Variants in GATA6 observed in about 807,000 individuals in gnomAD.
The protein encoded by GATA6 is GATA binding protein 6, also known as transcription factor GATA-6.
GATA6 carries 11 observed loss-of-function variants against 48.1 expected under a neutral mutation model. The observed-to-expected ratio is 0.23, with a 90% CI of 0.14 to 0.38. The LOEUF is 0.38. Among genes scored for constraint, GATA6 ranks in the 10% least tolerant of loss-of-function variants. GATA6 has a pLI of 1.00. For synonymous variants in GATA6, 419 were observed against 396.1 expected (o/e 1.06, Z -0.69); for missense variants, 795 against 850.3 (o/e 0.93, Z 0.81).
chr18:22,201,629 T>G lies in GATA6; in HGVS notation c.*806T>G, dbSNP rs544084882. 1 of 152,668 alleles carries G rather than the reference T, an allele frequency of 6.6e-6. No homozygotes were observed. The highest frequency in any genetic ancestry group is 2.4e-5 in the African/African-American group (1 of 41,468). The allele number at this position is 152,668 out of a possible 1,614,324, so 9.5% of individuals were successfully genotyped here. A position where few individuals can be genotyped will look rare whatever the true frequency, so the allele number is the denominator to read the frequency against. ...GACATTCTTATGCTTCTTTTACAACTACATCCCATTTTATATTTCCAATTG... is the reference window on the plus strand; with the variant it reads ...GACATTCTTATGCTTCTTTTACAACGACATCCCATTTTATATTTCCAATTG... On this transcript the variant is annotated 3_prime_UTR_variant, in exon 7 of 7. Coordinates refer to ENST00000269216, the MANE Select transcript of GATA6 (RefSeq NM_005257.6).
rs546224217 is a variant in GATA6, at chr18:22,202,150, G to A, written c.*1327G>A. The A allele has an allele frequency of 4.6e-5, 7 of 152,246 alleles. No individual in the cohort carries two copies. The East Asian group carries it at 9.6e-4, about 21-fold the overall frequency. 9.4% of individuals were successfully genotyped at this position (152,246 alleles called of 1,614,324 possible). A position where few individuals can be genotyped will look rare whatever the true frequency, so the allele number is the denominator to read the frequency against. On this transcript the variant is annotated 3_prime_UTR_variant, in exon 7 of 7. Coordinates refer to ENST00000269216, the MANE Select transcript of GATA6 (RefSeq NM_005257.6). ...CCTTTTATACCTTGGCTTATTTGAA[G>A]TTGACACATGGGGTTAGTTACTACT...
intron 6 of GATA6, among the ~76,000 whole-genome samples, chr18:22,194,519 T>G (rs901551158): frequency 2.6e-5 from 4 of 152,178 alleles, no homozygotes; most frequent in Admixed American, 2.0e-4. Flanking sequence ...AACGTTTGTT[T>G]AGGTTGGTCT....
chr18:22,199,258 T>C (rs959321697), intron 6 of GATA6, among the ~76,000 whole-genome samples: 15 of 152,160 alleles, frequency 9.9e-5, no homozygotes, highest in Non-Finnish European at 2.2e-4. Context: ...AATGCTGTTT[T>C]AAGGATTTAA....
rs553826721 is a variant in GATA6, at chr18:22,200,849, G to A, written c.*26G>A. ...GCCCACGCCGCCAGGAGGCAGGGAG[G>A]GCTCCGCCGCGGGCCTCACTCCACT... On this transcript the variant is annotated 3_prime_UTR_variant, in exon 7 of 7. Coordinates refer to ENST00000269216, the MANE Select transcript of GATA6 (RefSeq NM_005257.6). The A allele has an allele frequency of 3.1e-6, 5 of 1,594,044 alleles. No individual in the cohort carries two copies. The highest frequency in any genetic ancestry group is 4.3e-6 in the Non-Finnish European group (5 of 1,169,920).
chr18:22,188,270 A>G (rs1568003208), intron 6 of GATA6, among the ~76,000 whole-genome samples: 1 of 152,220 alleles, frequency 6.6e-6, no homozygotes, highest in Non-Finnish European at 1.5e-5. Flanking sequence ...GGAATTGTTT[A>G]AAACATGGAG....
intron 3 of GATA6, among the ~76,000 whole-genome samples, chr18:22,178,936 T>C (rs2033160346): frequency 6.6e-6 from 1 of 152,182 alleles, no homozygotes; most frequent in South Asian, 2.1e-4. Flanking sequence ...AGGTAACATT[T>C]TCTAGAGATT....
rs543791101 is a variant in GATA6, at chr18:22,200,222, C to T, written c.1621-434C>T. The stretch of plus-strand genomic sequence containing the variant: ...GTGTGCGCGCGCACGCATGCGTGCG[C>T]TCTGCATTTTCTCTTTGGAAATGAT... On this transcript the variant is annotated intron_variant, in intron 6 of 6. Transcript: ENST00000269216. Among the ~76,000 whole-genome samples, 138 of 152,226 alleles carry T rather than the reference C, an allele frequency of 9.1e-4. No individual in the cohort carries two copies. In the South Asian group the frequency reaches 0.014, roughly 16 times the overall value.
intron 3 of GATA6, chr18:22,180,217 A>T (rs193100513): frequency 2.7e-5 from 4 of 150,504 alleles, no homozygotes; most frequent in Admixed American, 2.0e-4. Flanking sequence ...TGAAGCAAGC[A>T]TCCATTTTTT....
intron 6 of GATA6, 117 bp from the exon 7 acceptor site, chr18:22,200,539 G>T: frequency 7.6e-7 from 1 of 1,307,300 alleles, no homozygotes; most frequent in Admixed American, 1.7e-5. Flanking sequence ...GTCTGCCCAG[G>T]AGCAGCTCTG....
chr18:22,176,096 G>T (rs75592695), intron 2 of GATA6, among the ~76,000 whole-genome samples: 6,057 of 152,102 alleles, frequency 0.04, 382 homozygotes, highest in African/African-American at 0.13. Context: ...ACTAACCAAA[G>T]AATAATAATA....
Position 22,177,079 on chromosome 18 carries a change from G to A in GATA6, c.1260G>A (p.Met420Ile), listed in dbSNP as rs1381647051. The A allele has an allele frequency of 1.3e-6, 2 of 1,565,764 alleles. No individual in the cohort carries two copies. The highest frequency in any genetic ancestry group is 1.9e-5 in the Admixed American group (1 of 53,548). The change falls in exon 3 of 7, where the codon ATG becomes ATA. Residue 420 changes from methionine to isoleucine, a missense_variant. Physicochemically the swap from Met to Ile is conservative, Grantham distance 10 (BLOSUM62 1). Transcript: ENST00000269216. Reference protein sequence around the residue: ...LCNACGLYSKMNGLSRPLIKP... With the variant: ...LCNACGLYSKINGLSRPLIKP... ...ACGCCTGCGGGCTCTACAGCAAGAT[G>A]AACGGCCTCAGCCGGCCCCTCATCA...
At chr18:22,180,010 T>C (rs565766646) in intron 3 of GATA6, 4 of 152,334 alleles carry the variant, frequency 2.6e-5, no homozygotes, top group African/African-American at 9.6e-5. Flanking sequence ...ACATACTCAA[T>C]TTACATTTCT....
At chr18:22,176,025 C>A (rs1326728833) in intron 2 of GATA6, among the ~76,000 whole-genome samples, 1 of 152,090 alleles carries the variant, frequency 6.6e-6, no homozygotes, top group East Asian at 1.9e-4. Flanking sequence ...ATAAATGTTA[C>A]ATTTACTCTT....
chr18:22,171,351 G>T lies in GATA6; in HGVS notation c.207G>T (p.Ala69=). The part of the protein sequence containing the change: ...NCGTPQLDTE[A]AAGPPARSLL... ...GGACGCCTCAGCTCGACACGGAGGC[G>T]GCGGCCGGACCCCCGGCCCGCTCGC... Residue 69 remains alanine, a synonymous_variant, in exon 2 of 7, where the codon GCG becomes GCT. Transcript: ENST00000269216. This position sits in a 1 kb window ranked among gnomAD's most constrained non-coding sequence, Gnocchi z 7.1. 4 of 1,585,700 alleles carry T rather than the reference G, an allele frequency of 2.5e-6. No individual in the cohort carries two copies. The highest frequency in any genetic ancestry group is 1.1e-5 in the South Asian group (1 of 89,830).
rs2033214573 is a variant in GATA6, at chr18:22,182,748, A to T, written c.1429-9A>T. ...TATTAAATTTATGGCCTATGTGAAA[A>T]TTTTTTAGGTGCCCAGACCACTTGC... On this transcript the variant is annotated splice_polypyrimidine_tract_variant and intron_variant, in intron 4 of 6. Transcript: ENST00000269216. 4 of 1,608,402 alleles carry T rather than the reference A, an allele frequency of 2.5e-6. No homozygotes were observed. Among genetic ancestry groups the T allele is most frequent in the Middle Eastern group, 1.7e-4 (1 of 5,956 alleles).
At position 22,170,966 on chromosome 18, in the gene GATA6, T is replaced by C. The variant is rs2033026205; in HGVS notation, c.-37-142T>C. 1 of 631,152 alleles carries C rather than the reference T, an allele frequency of 1.6e-6. No individual in the cohort carries two copies. The highest frequency in any genetic ancestry group is 2.8e-6 in the Non-Finnish European group (1 of 354,462). The allele number at this position is 631,152 out of a possible 1,614,324, so 39.1% of individuals were successfully genotyped here. A position where few individuals can be genotyped will look rare whatever the true frequency, so the allele number is the denominator to read the frequency against. The stretch of plus-strand genomic sequence containing the variant: ...CCACGCCCGGGGCAGAAATAGGATC[T>C]TTGAGAAGTCTCAAATGGGATCTTT... On this transcript the variant is annotated intron_variant, in intron 1 of 6. Coordinates refer to ENST00000269216, the MANE Select transcript of GATA6 (RefSeq NM_005257.6). The surrounding 1 kb of genome is among the most constrained non-coding windows in gnomAD (Gnocchi z 6.7).
In GATA6 at chr18:22,170,579, C is replaced by G. The variant is rs749270667; in HGVS notation, c.-37-529C>G. Among the ~76,000 whole-genome samples the G allele has an allele frequency of 6.6e-6, 1 of 152,218 alleles. No homozygotes were observed. Among genetic ancestry groups the G allele is most frequent in the African/African-American group, 2.4e-5 (1 of 41,460 alleles). ...TAGGAGAACGCGGCGGTTTCGTTTTCGGGGACAGGTTGCCTTCCTTACGCG... is the reference window on the plus strand; with the variant it reads ...TAGGAGAACGCGGCGGTTTCGTTTTGGGGGACAGGTTGCCTTCCTTACGCG... On this transcript the variant is annotated intron_variant, in intron 1 of 6. Transcript: ENST00000269216. This position sits in a 1 kb window ranked among gnomAD's most constrained non-coding sequence, Gnocchi z 6.7.
In GATA6 at chr18:22,201,058, G is replaced by A. The variant is rs1387026409; in HGVS notation, c.*235G>A. On this transcript the variant is annotated 3_prime_UTR_variant, in exon 7 of 7. Coordinates refer to ENST00000269216, the MANE Select transcript of GATA6 (RefSeq NM_005257.6). ...ACTCCAGCCAGCCCGCCTCCGGGGC[G>A]GACCCTGCTCCACTTCCAGAAGCCA... The A allele has an allele frequency of 2.2e-5, 13 of 588,622 alleles. No individual in the cohort carries two copies. The East Asian group carries it at 2.6e-4, about 12-fold the overall frequency. The allele number at this position is 588,622 out of a possible 1,614,324, so 36.5% of individuals were successfully genotyped here. A position where few individuals can be genotyped will look rare whatever the true frequency, so the allele number is the denominator to read the frequency against.
chr18:22,188,443 G>A (rs1012165799), intron 6 of GATA6, among the ~76,000 whole-genome samples: 1 of 152,138 alleles, frequency 6.6e-6, no homozygotes, highest in African/African-American at 2.4e-5. Context: ...TTGGGATAGA[G>A]GTATCCAGGA....
Sources: gnomAD v4.1 joint callset for allele counts (sites outside exome capture counted in the v4.1 genomes callset) on GRCh38, gnomAD v4.1.1 for gene constraint, Gnocchi (gnomAD v3.1) non-coding constraint, MANE v1.5 for transcripts, NCBI Gene and HGNC (gene_info 2026-07-23, HGNC 2026-07-21) for gene names.